Variants in CEP192 observed in about 807,000 individuals in gnomAD.
CEP192 encodes centrosomal protein of 192 kDa.
A neutral mutation model predicts 271.8 loss-of-function variants in CEP192; 151 were observed. The ratio of observed to expected loss-of-function variants is 0.56; its 90% CI spans 0.49 to 0.64. The LOEUF (loss-of-function observed/expected upper bound fraction) is 0.64, where lower values mean the gene tolerates loss of function less well. CEP192 is among the 30% of genes least tolerant of loss of function. The probability of loss-of-function intolerance (pLI) is 0.00; values close to 1 mark genes in which losing one functional copy is unlikely to be tolerated. For missense variants in CEP192, 2,910 were observed against 3,020.5 expected (o/e 0.96, Z 0.86); for synonymous variants, 995 against 1,076.5 (o/e 0.92, Z 1.48).
Position 13,069,779 on chromosome 18 carries a change from T to C in CEP192, c.5097T>C (p.Asn1699=), listed in dbSNP as rs771021394. 3 of 1,600,076 alleles carry C rather than the reference T, an allele frequency of 1.9e-6. No homozygotes were observed. Among genetic ancestry groups the C allele is most frequent in the Non-Finnish European group, 8.6e-7 (1 of 1,167,724 alleles). ...QGSHFSVDPK[N]LLLKPGEEHE... ...GTCACTTTTCAGTGGATCCAAAGAA[T>C]CTACTCCTTAAACCTGGAGAAGAAC... Residue 1699 remains asparagine, a synonymous_variant, in exon 27 of 45, where the codon AAT becomes AAC. Coordinates refer to ENST00000506447, the MANE Select transcript of CEP192 (RefSeq NM_032142.4).
Position 13,049,895 on chromosome 18 carries a change from A to T in CEP192, c.3017+4A>T. The T allele has an allele frequency of 1.9e-6, 3 of 1,605,572 alleles. No homozygotes were observed. Among genetic ancestry groups the T allele is most frequent in the Non-Finnish European group, 2.5e-6 (3 of 1,177,672 alleles). On this transcript the variant is annotated splice_donor_region_variant and intron_variant, in intron 17 of 44. Transcript: ENST00000506447. Reference sequence around the variant, plus strand: ...TTTCTGGAACGAGTTCATCAGGGTAAGTGTGTACCTTCTTTTTTAAAAAAT... The same window carrying T: ...TTTCTGGAACGAGTTCATCAGGGTATGTGTGTACCTTCTTTTTTAAAAAAT...
chr18:13,081,687 T>C (rs868010579), intron 30 of CEP192, among the ~76,000 whole-genome samples: 1 of 152,236 alleles, frequency 6.6e-6, no homozygotes, highest in Non-Finnish European at 1.5e-5. Context: ...AGCTTTTGAA[T>C]GTGTTTGCTC....
intron 21 of CEP192, among the ~76,000 whole-genome samples, chr18:13,061,570 T>G (rs1246177139): frequency 6.6e-6 from 1 of 152,230 alleles, no homozygotes; most frequent in Non-Finnish European, 1.5e-5. Context: ...TTTTTCCATG[T>G]TTTTGTGTTC....
At position 13,084,435 on chromosome 18, in the gene CEP192, G is replaced by A. The variant is rs150590367; in HGVS notation, c.5617-2582G>A. Among the ~76,000 whole-genome samples the A allele has an allele frequency of 1.6e-3, 248 of 152,306 alleles. 4 individuals are homozygous for A. In the East Asian group the frequency reaches 0.037, roughly 22 times the overall value. ...GGGCGTGGGACCTGCCAAGCCAAGCGCGGGATAAAATCTCCTGGTGTGCCG... is the reference window on the plus strand; with the variant it reads ...GGGCGTGGGACCTGCCAAGCCAAGCACGGGATAAAATCTCCTGGTGTGCCG... On this transcript the variant is annotated intron_variant, in intron 30 of 44. Transcript: ENST00000506447.
chr18:13,043,552 C>T (rs1598434883), intron 15 of CEP192, among the ~76,000 whole-genome samples: 1 of 152,224 alleles, frequency 6.6e-6, no homozygotes, highest in East Asian at 1.9e-4. Context: ...AGTAAATCCT[C>T]TTGTATTTTT....
chr18:13,019,254 G>C, intron 9 of CEP192, 48 bp downstream of exon 9: 1 of 1,406,312 alleles, frequency 7.1e-7, no homozygotes, highest in Non-Finnish European at 9.3e-7. Context: ...AGGAATAAGG[G>C]GTCTTTTGTG....
chr18:13,087,086 T>C lies in CEP192; in HGVS notation c.5686T>C (p.Tyr1896His). Reference protein sequence around the residue: ...LEGVKKLSDSYMVTVNGLVPG... With the variant: ...LEGVKKLSDSHMVTVNGLVPG... ...AGGCGTTAAAAAATTATCTGACAGTTACATGGTAACAGTGAATGGCTTAGT... is the reference window on the plus strand; with the variant it reads ...AGGCGTTAAAAAATTATCTGACAGTCACATGGTAACAGTGAATGGCTTAGT... Residue 1896 changes from tyrosine to histidine, a missense_variant, in exon 31 of 45, where the codon TAC becomes CAC. By Grantham distance (83) the Tyr-to-His change is moderately conservative. Coordinates refer to ENST00000506447, the MANE Select transcript of CEP192 (RefSeq NM_032142.4). 1 of 1,613,622 alleles carries C rather than the reference T, an allele frequency of 6.2e-7. No individual in the cohort carries two copies. The highest frequency in any genetic ancestry group is 8.5e-7 in the Non-Finnish European group (1 of 1,179,538).
intron 30 of CEP192, among the ~76,000 whole-genome samples, chr18:13,080,632 T>C (rs1443412174): frequency 6.6e-6 from 1 of 152,310 alleles, no homozygotes; most frequent in African/African-American, 2.4e-5. Flanking sequence ...CCTTTATTTC[T>C]TTCTCTTGCC....
In CEP192 at chr18:13,074,819, AGG is replaced by A. The variant is rs138127931; in HGVS notation, c.5616+1636_5616+1637del. On this transcript the variant is annotated intron_variant, in intron 30 of 44. Coordinates refer to ENST00000506447, the MANE Select transcript of CEP192 (RefSeq NM_032142.4). The stretch of plus-strand genomic sequence containing the variant: ...AGCTGTTAACATGACAGGAGAACCC[AGG>A]GAGCCAGCCCTGTCTCTGTTACTTA... Among the ~76,000 whole-genome samples, 1,024 of 152,328 alleles carry A rather than the reference AGG, an allele frequency of 6.7e-3. 10 individuals carry two copies. Among genetic ancestry groups the A allele is most frequent in the African/African-American group, 0.024 (986 of 41,574 alleles).
intron 44 of CEP192, among the ~76,000 whole-genome samples, chr18:13,122,383 C>T (rs1243283411): frequency 6.6e-6 from 1 of 152,168 alleles, no homozygotes; most frequent in Non-Finnish European, 1.5e-5. Context: ...GATCGTGCCA[C>T]TGCACTCCAG....
chr18:13,052,631 C>T (rs2036857464), intron 17 of CEP192, among the ~76,000 whole-genome samples: 1 of 152,148 alleles, frequency 6.6e-6, no homozygotes. Flanking sequence ...TTCTCTATAT[C>T]AGATACTTAG....
chr18:13,116,561 C>CA, intron 43 of CEP192, 58 bp downstream of exon 43: 1 of 1,450,156 alleles, frequency 6.9e-7, no homozygotes, highest in East Asian at 2.4e-5. Context: ...ACTCTGATAA[C>CA]AAACATTTTC....
At chr18:13,022,619 G>C (rs187353636) in intron 9 of CEP192, among the ~76,000 whole-genome samples, 14 of 152,188 alleles carry the variant, frequency 9.2e-5, no homozygotes, top group African/African-American at 2.9e-4. Context: ...GATTTCAAAC[G>C]ATCCACCCGC....
chr18:13,068,486 A>G (rs2037833500), intron 24 of CEP192, 64 bp downstream of exon 24: 1 of 1,261,280 alleles, frequency 7.9e-7, no homozygotes. Flanking sequence ...CAAATTTGAG[A>G]TGTATTTCCT....
At chr18:12,991,868 G>T (rs1355365261) in intron 1 of CEP192, among the ~76,000 whole-genome samples, 1 of 152,072 alleles carries the variant, frequency 6.6e-6, no homozygotes, top group Admixed American at 6.5e-5. Context: ...GGGCGGTTCT[G>T]TTCCTCCTTT....
chr18:13,008,468 G>T lies in CEP192; in HGVS notation c.303G>T (p.Arg101Ser). Residue 101 changes from arginine (R) to serine (S), a missense_variant, in exon 4 of 45, where the codon AGG (arginine) becomes AGT (serine). By Grantham distance (110) the Arg-to-Ser change is moderately radical. Transcript: ENST00000506447. ...CCTAATAAAAAAGTTCTATCTCTAG[G>T]AAAAAGAGCTATGTGGAAAGTCAAC... ...LSFQDDDSIS[R>S]KKSYVESQRL... The T allele has an allele frequency of 6.5e-7, 1 of 1,545,158 alleles. No individual in the cohort carries two copies. Among genetic ancestry groups the T allele is most frequent in the Admixed American group, 2.0e-5 (1 of 49,780 alleles).
At chr18:13,068,306 A>G (rs111629934) in intron 23 of CEP192, 53 bp from the exon 24 acceptor site, 313 of 1,591,960 alleles carry the variant, frequency 2.0e-4, no homozygotes, top group African/African-American at 1.9e-3. Context: ...TCATTAAGAT[A>G]GTAATATTAA....
chr18:13,105,003 A>T lies in CEP192; in HGVS notation c.6971A>T (p.Asp2324Val). 6.2e-7 allele frequency: 1 copy of T among 1,613,432 alleles called. No homozygotes were observed. The highest frequency in any genetic ancestry group is 8.5e-7 in the Non-Finnish European group (1 of 1,179,358). ...PYVKGVDESG[D>V]VFRATYAAFR... is the part of the protein sequence containing the mutation. Reference sequence around the variant, plus strand: ...TTGCAGGGAGTTGATGAAAGTGGAGATGTTTTTAGAGCTACCTATGCAGCA... The same window carrying T: ...TTGCAGGGAGTTGATGAAAGTGGAGTTGTTTTTAGAGCTACCTATGCAGCA... The change falls in exon 40 of 45, where the codon GAT becomes GTT. Residue 2324 changes from aspartate (D) to valine (V), a missense_variant. Transcript: ENST00000506447.
At chr18:13,113,156 C>T (rs1284086585) in intron 40 of CEP192, among the ~76,000 whole-genome samples, 1 of 152,172 alleles carries the variant, frequency 6.6e-6, no homozygotes, top group Non-Finnish European at 1.5e-5. Flanking sequence ...CCGCCCCCCT[C>T]ACTGTTGTCA....
Sources: allele counts gnomAD v4.1 joint callset (sites outside exome capture counted in the v4.1 genomes callset), GRCh38; gene constraint gnomAD v4.1.1; transcripts MANE v1.5; gene names NCBI Gene and HGNC (gene_info 2026-07-23, HGNC 2026-07-21).